The following LSAMP variants were observed in gnomAD, a reference collection of about 807,000 sequenced individuals.
LSAMP encodes limbic system associated membrane protein, also known as limbic system-associated membrane protein.
A neutral mutation model predicts 38.6 loss-of-function variants in LSAMP; 7 were observed. The ratio of observed to expected loss-of-function variants is 0.18; its 90% CI spans 0.10 to 0.34. LSAMP has a LOEUF of 0.34. Ranked by LOEUF, LSAMP falls within the 10% of genes least tolerant of loss-of-function variation. The pLI, the probability that LSAMP is intolerant of heterozygous loss-of-function variation, is 1.00. For missense variants in LSAMP, 313 were observed against 420.0 expected (o/e 0.75, Z 2.23); for synonymous variants, 154 against 166.8 (o/e 0.92, Z 0.59).
At chr3:116,336,591 C>T (rs2047922436) in intron 1 of LSAMP, among the ~76,000 whole-genome samples, 1 of 151,792 alleles carries the variant, frequency 6.6e-6, no homozygotes, top group African/African-American at 2.4e-5. Flanking sequence ...CTCACTTCTT[C>T]ATAGCTACTC....
intron 1 of LSAMP, among the ~76,000 whole-genome samples, chr3:116,415,341 AG>A (rs1407004963): frequency 2.6e-5 from 4 of 152,144 alleles, no homozygotes; most frequent in African/African-American, 9.7e-5. Flanking sequence ...GACAAGGTAA[AG>A]GTAAGTATTT....
intron 1 of LSAMP, among the ~76,000 whole-genome samples, chr3:116,289,415 T>C (rs1022442631): frequency 8.6e-5 from 13 of 151,772 alleles, no homozygotes; most frequent in African/African-American, 2.9e-4. Flanking sequence ...TTAGAACAAA[T>C]TTTTTTTTCA....
chr3:115,950,516 CT>C (rs1414771730), intron 3 of LSAMP, among the ~76,000 whole-genome samples: 2 of 151,888 alleles, frequency 1.3e-5, no homozygotes, highest in African/African-American at 4.8e-5. Flanking sequence ...AAATAAATTG[CT>C]TAGAAATGTA....
intron 1 of LSAMP, among the ~76,000 whole-genome samples, chr3:116,220,350 G>GACACACAC (rs10575234): frequency 1.8e-3 from 247 of 138,588 alleles, no homozygotes; most frequent in South Asian, 5.5e-3. Flanking sequence ...ATTTGCATAT[G>GACACACAC]ACACACACAC....
At chr3:116,176,683 T>A (rs1710351731) in intron 1 of LSAMP, among the ~76,000 whole-genome samples, 1 of 152,178 alleles carries the variant, frequency 6.6e-6, no homozygotes, top group Admixed American at 6.6e-5. Context: ...GCATCATATC[T>A]AATATCTGGC....
At chr3:115,881,097 GC>G (rs1201868647) in intron 3 of LSAMP, among the ~76,000 whole-genome samples, 1 of 137,132 alleles carries the variant, frequency 7.3e-6, no homozygotes, top group Non-Finnish European at 1.6e-5. Context: ...GCCATTATGT[GC>G]CATTTCCAGT....
At chr3:115,992,649 G>A (rs1404931162) in intron 3 of LSAMP, among the ~76,000 whole-genome samples, 7 of 152,024 alleles carry the variant, frequency 4.6e-5, no homozygotes, top group African/African-American at 1.7e-4. Context: ...TTTATTTTGT[G>A]TATTGATGGT....
chr3:115,897,321 G>T (rs1375249119), intron 3 of LSAMP, among the ~76,000 whole-genome samples: 1 of 152,008 alleles, frequency 6.6e-6, no homozygotes, highest in Non-Finnish European at 1.5e-5. Context: ...ATTCCATCAA[G>T]AAATCTTATT....
chr3:116,178,529 G>A (rs1412794997), intron 1 of LSAMP, among the ~76,000 whole-genome samples: 2 of 152,124 alleles, frequency 1.3e-5, no homozygotes, highest in East Asian at 1.9e-4. Flanking sequence ...CTAAGCCTTA[G>A]TACCTAAACC....
chr3:116,224,269 G>A (rs574510944), intron 1 of LSAMP, among the ~76,000 whole-genome samples: 33 of 152,300 alleles, frequency 2.2e-4, no homozygotes, highest in African/African-American at 7.2e-4. Flanking sequence ...CACTTAATTA[G>A]ACCCTTCACC....
At chr3:116,207,285 T>TGCC (rs2046083008) in intron 1 of LSAMP, among the ~76,000 whole-genome samples, 1 of 152,178 alleles carries the variant, frequency 6.6e-6, no homozygotes, top group African/African-American at 2.4e-5. Context: ...TTTTATTTTG[T>TGCC]GCCTATGTGT....
intron 1 of LSAMP, among the ~76,000 whole-genome samples, chr3:116,414,893 G>T (rs1211764273): frequency 6.6e-6 from 1 of 151,890 alleles, no homozygotes; most frequent in East Asian, 1.9e-4. Flanking sequence ...TTTCCTACAG[G>T]CCCTTCACTC....
At chr3:116,209,208 C>A (rs1017500543) in intron 1 of LSAMP, among the ~76,000 whole-genome samples, 1 of 152,156 alleles carries the variant, frequency 6.6e-6, no homozygotes, top group African/African-American at 2.4e-5. Context: ...AAGGGAACTC[C>A]CTGACCCCTT....
chr3:116,250,918 C>T (rs4831128), intron 1 of LSAMP, among the ~76,000 whole-genome samples: 116,041 of 151,930 alleles, frequency 0.76, 45,009 homozygotes, highest in Non-Finnish European at 0.84. Flanking sequence ...TAAAAGAAAA[C>T]GGAAAGTAAA....
intron 1 of LSAMP, among the ~76,000 whole-genome samples, chr3:116,230,323 T>C (rs1180345160): frequency 6.6e-6 from 1 of 152,150 alleles, no homozygotes; most frequent in Non-Finnish European, 1.5e-5. Flanking sequence ...GCTTCAGTAT[T>C]GAGTTTTAGC....
rs116202053 is a variant in LSAMP at position 116,320,126 on chromosome 3, C to T, written c.155+124751G>A. Among the ~76,000 whole-genome samples, 244 of 152,280 alleles carry T rather than the reference C, an allele frequency of 1.6e-3. 1 individual carries two copies. The highest frequency in any genetic ancestry group is 5.7e-3 in the African/African-American group (237 of 41,548). On this transcript the variant is annotated intron_variant, in intron 1 of 6. Transcript: ENST00000490035. ...GTTGCAGCCTTTGGAAATAATAACA[C>T]TAATGAGGCAGGACGTGGTGGCTCA...
intron 1 of LSAMP, among the ~76,000 whole-genome samples, chr3:116,205,846 A>G (rs1285047262): frequency 2.6e-5 from 3 of 116,038 alleles, no homozygotes; most frequent in East Asian, 2.6e-4. Flanking sequence ...TTCATCAAGG[A>G]TATTGGTCTA....
chr3:115,840,083 T>G (rs1934947133), intron 6 of LSAMP, among the ~76,000 whole-genome samples: 1 of 152,164 alleles, frequency 6.6e-6, no homozygotes, highest in African/African-American at 2.4e-5. Context: ...TTCTTTTTCC[T>G]CTCTCTCAGG....
chr3:115,856,169 G>T (rs1397918012), intron 3 of LSAMP, among the ~76,000 whole-genome samples: 1 of 152,160 alleles, frequency 6.6e-6, no homozygotes, highest in Non-Finnish European at 1.5e-5. Flanking sequence ...AATGTTTGTT[G>T]AGTTAGCTTG....
Sources: gnomAD v4.1 joint callset for allele counts (sites outside exome capture counted in the v4.1 genomes callset) on GRCh38, gnomAD v4.1.1 for gene constraint, MANE v1.5 for transcripts, NCBI Gene and HGNC (gene_info 2026-07-23, HGNC 2026-07-21) for gene names.